Variants in DTD1 observed in about 807,000 individuals in gnomAD.
DTD1 encodes D-tyrosyl-tRNA deacylase 1 homolog.
Under a neutral mutation model 25.6 loss-of-function variants are expected in DTD1, and 13 were observed. The ratio of observed to expected loss-of-function variants is 0.51; its 90% CI spans 0.33 to 0.81. The LOEUF is 0.81. Ranked by LOEUF, DTD1 falls within the 30% of genes least tolerant of loss-of-function variation. The pLI is 0.02. For missense variants in DTD1, 193 were observed against 266.4 expected (o/e 0.72, Z 1.92); for synonymous variants, 110 against 103.6 (o/e 1.06, Z -0.37).
intron 4 of DTD1, among the ~76,000 whole-genome samples, chr20:18,649,081 A>G (rs2060862744): frequency 6.6e-6 from 1 of 151,052 alleles, no homozygotes; most frequent in African/African-American, 2.4e-5. Flanking sequence ...TAGCTCCTAC[A>G]TCATATGAAT....
chr20:18,637,270 C>T (rs1052366057), intron 4 of DTD1, among the ~76,000 whole-genome samples: 7 of 152,176 alleles, frequency 4.6e-5, no homozygotes, highest in Non-Finnish European at 8.8e-5. Context: ...CCTCAGTCTC[C>T]CAACACCCCT....
intron 3 of DTD1, among the ~76,000 whole-genome samples, chr20:18,604,955 G>T (rs1470912576): frequency 2.7e-5 from 1 of 37,330 alleles, no homozygotes; most frequent in African/African-American, 8.2e-5. Context: ...GAAATAAAGG[G>T]TATTCAATTA....
intron 4 of DTD1, among the ~76,000 whole-genome samples, chr20:18,686,992 T>C (rs1043230628): frequency 6.6e-6 from 1 of 152,214 alleles, no homozygotes; most frequent in African/African-American, 2.4e-5. Flanking sequence ...CATAGAAAGA[T>C]ACATACAGAG....
At chr20:18,663,575 C>T (rs781246768) in intron 4 of DTD1, among the ~76,000 whole-genome samples, 1 of 152,132 alleles carries the variant, frequency 6.6e-6, no homozygotes, top group Non-Finnish European at 1.5e-5. Context: ...TGTTTCTTTT[C>T]TATGTTTAGA....
intron 4 of DTD1, among the ~76,000 whole-genome samples, chr20:18,700,499 T>TC (rs954083051): frequency 6.6e-6 from 1 of 152,040 alleles, no homozygotes; most frequent in African/African-American, 2.4e-5. Context: ...TGACCTTTTT[T>TC]TTTTTTTAAT....
chr20:18,629,056 G>A (rs2060771897), intron 4 of DTD1, among the ~76,000 whole-genome samples: 1 of 147,264 alleles, frequency 6.8e-6, no homozygotes, highest in South Asian at 2.2e-4. Flanking sequence ...GAGCACAATG[G>A]CGCCATCTTG....
chr20:18,649,240 C>T (rs1293557515), intron 4 of DTD1, among the ~76,000 whole-genome samples: 2 of 148,782 alleles, frequency 1.3e-5, no homozygotes, highest in Non-Finnish European at 3.0e-5. Context: ...CTTTCTGAGT[C>T]AGTATGTCCA....
intron 4 of DTD1, among the ~76,000 whole-genome samples, chr20:18,691,212 A>C (rs183983245): frequency 6.6e-6 from 1 of 152,372 alleles, no homozygotes; most frequent in East Asian, 1.9e-4. Context: ...GAGATTTCTC[A>C]AAGAACTTAG....
At chr20:18,723,406 T>G (rs1032244571) in intron 4 of DTD1, among the ~76,000 whole-genome samples, 1 of 152,228 alleles carries the variant, frequency 6.6e-6, no homozygotes, top group African/African-American at 2.4e-5. Flanking sequence ...ATGATAATAA[T>G]AAGTATATTT....
chr20:18,655,340 A>G (rs1241685426), intron 4 of DTD1, among the ~76,000 whole-genome samples: 4 of 152,230 alleles, frequency 2.6e-5, no homozygotes, highest in Non-Finnish European at 5.9e-5. Context: ...CCTGTGATGT[A>G]CTAGGCCAGT....
At chr20:18,642,580 C>T (rs78743660) in intron 4 of DTD1, among the ~76,000 whole-genome samples, 1 of 151,892 alleles carries the variant, frequency 6.6e-6, no homozygotes, top group Non-Finnish European at 1.5e-5. Context: ...AGTTGTTTAC[C>T]CTCTTCAGAA....
At chr20:18,710,451 T>C (rs2061154149) in intron 4 of DTD1, among the ~76,000 whole-genome samples, 1 of 152,156 alleles carries the variant, frequency 6.6e-6, no homozygotes, top group Non-Finnish European at 1.5e-5. Context: ...ATGTAAAATA[T>C]GTCCCTTGTT....
chr20:18,733,576 A>C (rs2061246149), intron 4 of DTD1, among the ~76,000 whole-genome samples: 1 of 152,238 alleles, frequency 6.6e-6, no homozygotes, highest in African/African-American at 2.4e-5. Flanking sequence ...GAGGTGTTCC[A>C]CCATGTCCCC....
At chr20:18,702,494 A>C (rs2122461186) in intron 4 of DTD1, among the ~76,000 whole-genome samples, 1 of 152,328 alleles carries the variant, frequency 6.6e-6, no homozygotes, top group East Asian at 1.9e-4. Context: ...TGCAGGCTAG[A>C]AAAGCCAGGC....
chr20:18,690,210 A>C (rs922369583), intron 4 of DTD1, among the ~76,000 whole-genome samples: 1 of 149,794 alleles, frequency 6.7e-6, no homozygotes, highest in African/African-American at 2.4e-5. Flanking sequence ...TGTCTTGTTG[A>C]TTTTTTAAAA....
chr20:18,632,497 A>G (rs1046787855), intron 4 of DTD1: 8 of 985,272 alleles, frequency 8.1e-6, no homozygotes, highest in Non-Finnish European at 9.6e-6. Flanking sequence ...TTCCTCTTGG[A>G]GCAAATAGCT....
intron 4 of DTD1, among the ~76,000 whole-genome samples, chr20:18,697,470 G>A (rs772606673): frequency 7.2e-5 from 11 of 152,214 alleles, no homozygotes; most frequent in East Asian, 1.9e-4. Context: ...AAATGCTTGG[G>A]ATCAGAAGTG....
chr20:18,731,221 T>G (rs1321781098), intron 4 of DTD1, among the ~76,000 whole-genome samples: 1 of 152,216 alleles, frequency 6.6e-6, no homozygotes, highest in Non-Finnish European at 1.5e-5. Flanking sequence ...CGCTCCCTCC[T>G]TTTACAGTTC....
intron 4 of DTD1, among the ~76,000 whole-genome samples, chr20:18,734,082 A>C (rs1238747668): frequency 6.6e-6 from 1 of 152,242 alleles, no homozygotes; most frequent in Non-Finnish European, 1.5e-5. Flanking sequence ...ATTGTGTTTT[A>C]AACATGTTTT....
Sources: allele counts gnomAD v4.1 joint callset (sites outside exome capture counted in the v4.1 genomes callset), GRCh38; gene constraint gnomAD v4.1.1; transcripts MANE v1.5; gene names NCBI Gene and HGNC (gene_info 2026-07-23, HGNC 2026-07-21).